The following CDH8 variants were observed in gnomAD, a reference collection of about 807,000 sequenced individuals.
The protein encoded by CDH8 is cadherin-8.
Under a neutral mutation model 68.1 loss-of-function variants are expected in CDH8, and 17 were observed. The observed-to-expected ratio is 0.25, with a 90% CI of 0.17 to 0.37. CDH8 has a LOEUF of 0.37. Among genes scored for constraint, CDH8 ranks in the 10% least tolerant of loss-of-function variants. CDH8 has a pLI of 1.00. For synonymous variants in CDH8, 372 were observed against 365.1 expected (o/e 1.02, Z -0.21); for missense variants, 763 against 999.3 (o/e 0.76, Z 3.19).
intron 2 of CDH8, among the ~76,000 whole-genome samples, chr16:61,947,085 C>T (rs1597082775): frequency 6.6e-6 from 1 of 151,942 alleles, no homozygotes; most frequent in East Asian, 1.9e-4. Flanking sequence ...CTTCCTAAGC[C>T]CAAGAATTTC....
chr16:61,846,937 A>G (rs1162442634), intron 4 of CDH8, among the ~76,000 whole-genome samples: 1 of 152,130 alleles, frequency 6.6e-6, no homozygotes, highest in East Asian at 1.9e-4. Context: ...TAGAACTTAC[A>G]GGCGCATCTT....
At chr16:61,915,703 C>A (rs539764117) in intron 2 of CDH8, among the ~76,000 whole-genome samples, 3 of 152,146 alleles carry the variant, frequency 2.0e-5, no homozygotes, top group African/African-American at 4.8e-5. Context: ...TTCATCACTG[C>A]GGCAGGGAGT....
At chr16:61,754,206 TAC>T (rs1960251209) in intron 8 of CDH8, among the ~76,000 whole-genome samples, 1 of 152,174 alleles carries the variant, frequency 6.6e-6, no homozygotes, top group Admixed American at 6.6e-5. Flanking sequence ...CAAGACATGT[TAC>T]ACAGTTTTCC....
intron 6 of CDH8, among the ~76,000 whole-genome samples, chr16:61,819,153 A>C (rs1312107920): frequency 6.6e-6 from 1 of 152,018 alleles, no homozygotes; most frequent in Non-Finnish European, 1.5e-5. Context: ...ATTCCAGCTC[A>C]AGATAACAAC....
At chr16:61,716,711 TC>T (rs1192127102) in intron 9 of CDH8, among the ~76,000 whole-genome samples, 1 of 151,732 alleles carries the variant, frequency 6.6e-6, no homozygotes, top group East Asian at 1.9e-4. Flanking sequence ...TACATTTTCT[TC>T]CAAATATCCC....
At chr16:61,733,972 C>A (rs536228503) in intron 8 of CDH8, among the ~76,000 whole-genome samples, 43 of 151,970 alleles carry the variant, frequency 2.8e-4, no homozygotes, top group Non-Finnish European at 4.6e-4. Flanking sequence ...CATTCATTTT[C>A]TTGATAGCTT....
intron 7 of CDH8, among the ~76,000 whole-genome samples, chr16:61,806,728 T>C (rs1961791647): frequency 1.7e-4 from 4 of 23,660 alleles, no homozygotes; most frequent in Non-Finnish European, 3.0e-4. Context: ...AAAATGCTCA[T>C]CATCACTGGC....
At chr16:62,033,039 T>C (rs1902365118) in intron 1 of CDH8, among the ~76,000 whole-genome samples, 1 of 152,220 alleles carries the variant, frequency 6.6e-6, no homozygotes, top group Non-Finnish European at 1.5e-5. Flanking sequence ...TATATTCTCA[T>C]TCTTTGGAGT....
At chr16:61,903,383 A>G (rs1173557660) in intron 2 of CDH8, among the ~76,000 whole-genome samples, 1 of 152,162 alleles carries the variant, frequency 6.6e-6, no homozygotes, top group Non-Finnish European at 1.5e-5. Flanking sequence ...GAGTGCAGTG[A>G]CGCGATCTCA....
Position 61,820,972 on chromosome 16 carries a change from A to G in CDH8, c.977T>C (p.Ile326Thr). The change falls in exon 6 of 12, where the codon ATC (isoleucine) becomes ACC (threonine). Residue 326 changes from isoleucine (I) to threonine (T), a missense_variant. Around this residue, in one of 2 missense-constraint regions of CDH8, gnomAD observed 366 missense variants for 563.1 expected, o/e 0.65. Transcript: ENST00000577390. ...ATCCTGGGCCTGGGCATCAGAAGTGATTTCAAAAAGTGCTGTTCCATCTCC... is the reference window on the plus strand; with the variant it reads ...ATCCTGGGCCTGGGCATCAGAAGTGGTTTCAAAAAGTGCTGTTCCATCTCC... ...IDGDGTALFE[I>T]TSDAQAQDGI... 1 of 1,612,746 alleles carries G rather than the reference A, an allele frequency of 6.2e-7. No individual in the cohort carries two copies. Among genetic ancestry groups the G allele is most frequent in the Non-Finnish European group, 8.5e-7 (1 of 1,179,176 alleles).
intron 4 of CDH8, among the ~76,000 whole-genome samples, chr16:61,855,823 A>T (rs1401364084): frequency 6.6e-6 from 1 of 152,126 alleles, no homozygotes; most frequent in Non-Finnish European, 1.5e-5. Context: ...TGGCCAAGTT[A>T]TAGGACATCT....
chr16:61,975,224 T>G (rs1163075320), intron 2 of CDH8, among the ~76,000 whole-genome samples: 1 of 151,100 alleles, frequency 6.6e-6, no homozygotes, highest in East Asian at 1.9e-4. Flanking sequence ...CCACTGACAT[T>G]GAAAGAAAGA....
chr16:61,671,109 GA>G (rs199930879), intron 10 of CDH8, among the ~76,000 whole-genome samples: 13 of 149,636 alleles, frequency 8.7e-5, no homozygotes, highest in Non-Finnish European at 1.2e-4. Flanking sequence ...GATGCCAAGT[GA>G]AAAAAAAATC....
At chr16:61,739,505 G>A (rs1026418494) in intron 8 of CDH8, among the ~76,000 whole-genome samples, 1 of 151,664 alleles carries the variant, frequency 6.6e-6, no homozygotes, top group Admixed American at 6.6e-5. Flanking sequence ...AGAGATTTCA[G>A]GGTATATATG....
At chr16:61,800,128 G>T (rs1961587611) in intron 7 of CDH8, among the ~76,000 whole-genome samples, 1 of 152,126 alleles carries the variant, frequency 6.6e-6, no homozygotes, top group Non-Finnish European at 1.5e-5. Context: ...TAGGCTGGTG[G>T]TCTCTCAACC....
At chr16:61,776,559 A>C (rs1252477905) in intron 8 of CDH8, among the ~76,000 whole-genome samples, 3 of 152,118 alleles carry the variant, frequency 2.0e-5, no homozygotes, top group African/African-American at 4.8e-5. Flanking sequence ...AAGGAAAATT[A>C]TGTCCCTCAA....
intron 8 of CDH8, among the ~76,000 whole-genome samples, chr16:61,763,527 T>G (rs1266988974): frequency 6.6e-6 from 1 of 152,120 alleles, no homozygotes; most frequent in Non-Finnish European, 1.5e-5. Flanking sequence ...TGTTGGGAGC[T>G]AGAGTTGAAT....
intron 3 of CDH8, among the ~76,000 whole-genome samples, chr16:61,876,594 C>T (rs183262160): frequency 3.3e-5 from 5 of 152,160 alleles, no homozygotes; most frequent in African/African-American, 7.2e-5. Context: ...TCTGCTTGCA[C>T]GGGTTTGGCT....
At position 61,832,379 on chromosome 16, in the gene CDH8, G is replaced by GATAC. The variant is rs1202302080; in HGVS notation, c.668-7204_668-7201dup. 3.5e-4 allele frequency among the ~76,000 whole-genome samples: 51 copies of GATAC among 145,214 alleles called. 1 individual carries two copies. Among genetic ancestry groups the GATAC allele is most frequent in the Admixed American group, 2.2e-3 (32 of 14,578 alleles). ...AGATAGATAGATAGATAGATAGATA[G>GATAC]ATACATAGAGAAATAGAGAGGGAAA... On this transcript the variant is annotated intron_variant, in intron 4 of 11. Coordinates refer to ENST00000577390, the MANE Select transcript of CDH8 (RefSeq NM_001796.5).
Sources: allele counts gnomAD v4.1 joint callset (sites outside exome capture counted in the v4.1 genomes callset), GRCh38; gene constraint gnomAD v4.1.1; regional missense constraint gnomAD v4.1.1; transcripts MANE v1.5; gene names NCBI Gene and HGNC (gene_info 2026-07-23, HGNC 2026-07-21).